The following KDM6A variants were observed in gnomAD, a reference collection of about 807,000 sequenced individuals.
The protein encoded by KDM6A is lysine-specific demethylase 6A.
KDM6A carries 11 observed loss-of-function variants against 117.6 expected under a neutral mutation model. The ratio of observed to expected loss-of-function variants is 0.09; its 90% confidence interval spans 0.06 to 0.15. The LOEUF (loss-of-function observed/expected upper bound fraction) is 0.15. KDM6A is among the 10% of genes least tolerant of loss of function. KDM6A has a pLI of 1.00. For synonymous variants in KDM6A, 384 were observed against 396.1 expected (o/e 0.97, Z 0.36); for missense variants, 799 against 1,077.3 (o/e 0.74, Z 3.62).
chrX:45,041,827 G>A lies in KDM6A; in HGVS notation c.654+4138G>A, dbSNP rs761477913. Among the ~76,000 whole-genome samples, 538 of 104,053 alleles carry A rather than the reference G, an allele frequency of 5.2e-3. 2 individuals are homozygous for A. The highest frequency in any genetic ancestry group is 0.019 in the African/African-American group (519 of 27,391). 90.4% of individuals were successfully genotyped at this position (104,053 alleles called of 115,157 possible). On this transcript the variant is annotated intron_variant, in intron 8 of 29. Transcript: ENST00000611820. ...AGACGATGGGGGGCCAGGCAGAGACGCTCCTCACTTCCCAGACGGGGTGGC... is the reference window on the plus strand; with the variant it reads ...AGACGATGGGGGGCCAGGCAGAGACACTCCTCACTTCCCAGACGGGGTGGC...
At chrX:44,889,562 T>C (rs1340051981) in intron 2 of KDM6A, among the ~76,000 whole-genome samples, 4 of 111,798 alleles carry the variant, frequency 3.6e-5, no homozygotes, top group Non-Finnish European at 7.5e-5. Flanking sequence ...GTTTGTGCAT[T>C]GACCCTATTG....
intron 4 of KDM6A, among the ~76,000 whole-genome samples, chrX:44,993,260 T>A (rs1312011874): frequency 1.8e-5 from 2 of 111,934 alleles, no homozygotes; most frequent in Non-Finnish European, 3.8e-5. Context: ...TTATTCAGAA[T>A]TGGACACTAA....
chrX:44,963,745 C>T (rs1224725439), intron 3 of KDM6A, among the ~76,000 whole-genome samples: 4 of 110,109 alleles, frequency 3.6e-5, no homozygotes, highest in Non-Finnish European at 3.8e-5. Flanking sequence ...ATTTAGACCT[C>T]AAATGTTCTT....
Position 44,988,312 on chromosome X carries a change from AT to A in KDM6A, c.384+13607del, listed in dbSNP as rs371564583. On this transcript the variant is annotated intron_variant, in intron 4 of 29. Coordinates refer to ENST00000611820, the MANE Select transcript of KDM6A (RefSeq NM_001291415.2). ...GTTATTCTAGTTAGCCATTCATCTGATTTTTTTTTTGAAGGTTTTTAACTTC... is the reference window on the plus strand; with the variant it reads ...GTTATTCTAGTTAGCCATTCATCTGATTTTTTTTTGAAGGTTTTTAACTTC... Among the ~76,000 whole-genome samples the A allele has an allele frequency of 1.1e-4, 12 of 107,400 alleles. No individual in the cohort carries two copies. The South Asian group carries it at 1.2e-3, about 11-fold the overall frequency. 93.3% of individuals were successfully genotyped at this position (107,400 alleles called of 115,157 possible).
chrX:45,049,460 A>T (rs1250041848), intron 8 of KDM6A, among the ~76,000 whole-genome samples: 1 of 111,791 alleles, frequency 8.9e-6, no homozygotes, highest in Non-Finnish European at 1.9e-5. Context: ...TACCTTTCAT[A>T]TTCAGGTCTT....
Position 44,899,949 on chromosome X carries a change from C to T in KDM6A, c.225+25962C>T, listed in dbSNP as rs372323510. ...CATTTTAAAGCTGTTTCTATTAGGG[C>T]GTGACCCATAACTGTTATTTCGGGG... On this transcript the variant is annotated intron_variant, in intron 2 of 29. Coordinates refer to ENST00000611820, the MANE Select transcript of KDM6A (RefSeq NM_001291415.2). Among the ~76,000 whole-genome samples, 8 of 111,931 alleles carry T rather than the reference C, an allele frequency of 7.1e-5. 1 individual carries two copies. In the South Asian group the frequency reaches 2.6e-3, roughly 36 times the overall value.
chrX:45,002,503 C>T (rs2041191162), intron 4 of KDM6A, among the ~76,000 whole-genome samples: 1 of 112,176 alleles, frequency 8.9e-6, no homozygotes, highest in African/African-American at 3.2e-5. Context: ...ATTGCTCAAA[C>T]CTTTAAAACA....
chrX:45,073,832 C>G (rs1284582374), intron 18 of KDM6A, among the ~76,000 whole-genome samples: 1 of 111,733 alleles, frequency 8.9e-6, no homozygotes, highest in East Asian at 2.8e-4. Flanking sequence ...GTTGCCTGTT[C>G]ACTCTGATGG....
intron 17 of KDM6A, among the ~76,000 whole-genome samples, chrX:45,064,690 C>CT (rs2044455384): frequency 9.0e-6 from 1 of 111,711 alleles, no homozygotes; most frequent in African/African-American, 3.3e-5. Context: ...ATTGCTTGTA[C>CT]TTTTATTAAT....
At position 44,949,857 on chromosome X, in the gene KDM6A, T is replaced by G. The variant is rs1345087608; in HGVS notation, c.226-11427T>G. Among the ~76,000 whole-genome samples, 3 of 111,739 alleles carry G rather than the reference T, an allele frequency of 2.7e-5. No individual in the cohort carries two copies. In the East Asian group the frequency reaches 8.4e-4, roughly 31 times the overall value. ...ATAATTTTGCTGCAGGCGGGCTTTCTTTATACATGTATCTTTTTGGAATTC... is the reference window on the plus strand; with the variant it reads ...ATAATTTTGCTGCAGGCGGGCTTTCGTTATACATGTATCTTTTTGGAATTC... On this transcript the variant is annotated intron_variant, in intron 2 of 29. Coordinates refer to ENST00000611820, the MANE Select transcript of KDM6A (RefSeq NM_001291415.2).
intron 3 of KDM6A, among the ~76,000 whole-genome samples, chrX:44,967,049 T>C (rs1022173237): frequency 1.1e-4 from 12 of 110,611 alleles, no homozygotes; most frequent in Non-Finnish European, 2.1e-4. Flanking sequence ...TTTTGTACTT[T>C]TTAGTAGAGA....
At chrX:45,031,069 A>G (rs1025534549) in intron 6 of KDM6A, among the ~76,000 whole-genome samples, 13 of 112,344 alleles carry the variant, frequency 1.2e-4, no homozygotes, top group African/African-American at 4.2e-4. Flanking sequence ...TTGACATGCA[A>G]CAGTACCTGG....
chrX:45,093,164 C>T (rs1264006541), intron 27 of KDM6A, among the ~76,000 whole-genome samples: 3 of 109,789 alleles, frequency 2.7e-5, no homozygotes, highest in African/African-American at 1.0e-4. Flanking sequence ...AGCCGGATCA[C>T]TTGAGGTCAG....
rs138738861 is a variant in KDM6A at position 44,995,784 on chromosome X, A to G, written c.385-15177A>G. ...GGCCTGGCCTGTTGGGATACTTTTA[A>G]AAAATCCTTTGTGCTTTAATTATAA... On this transcript the variant is annotated intron_variant, in intron 4 of 29. Transcript: ENST00000611820. 8.6e-3 allele frequency among the ~76,000 whole-genome samples: 961 copies of G among 111,796 alleles called. 11 individuals are homozygous for G. Among genetic ancestry groups the G allele is most frequent in the African/African-American group, 0.03 (923 of 30,700 alleles).
intron 3 of KDM6A, among the ~76,000 whole-genome samples, chrX:44,967,306 T>A (rs1365800571): frequency 8.9e-6 from 1 of 111,796 alleles, no homozygotes; most frequent in Non-Finnish European, 1.9e-5. Context: ...AGACATTTGT[T>A]ACCTTTGGCT....
At chrX:44,952,771 TTTG>T (rs755703341) in intron 2 of KDM6A, among the ~76,000 whole-genome samples, 5 of 110,401 alleles carry the variant, frequency 4.5e-5, no homozygotes, top group African/African-American at 6.6e-5. Context: ...AGGCAGTTGT[TTTG>T]TTGTTGTTGT....
chrX:44,883,271 A>T (rs2032489957), intron 2 of KDM6A, among the ~76,000 whole-genome samples: 1 of 110,165 alleles, frequency 9.1e-6, no homozygotes, highest in African/African-American at 3.3e-5. Context: ...GGGTTTCATT[A>T]TGTTGCCCAG....
At chrX:45,060,249 CTT>C in intron 13 of KDM6A, 93 bp downstream of exon 13, 1 of 1,153,710 alleles carries the variant, frequency 8.7e-7, no homozygotes, top group South Asian at 1.9e-5. Context: ...GCACAGGAGG[CTT>C]TTAGTAATGA....
At chrX:44,930,495 A>G (rs1223489128) in intron 2 of KDM6A, among the ~76,000 whole-genome samples, 1 of 111,585 alleles carries the variant, frequency 9.0e-6, no homozygotes, top group Non-Finnish European at 1.9e-5. Flanking sequence ...TAGGAACTCT[A>G]CCTTTTTACA....
Sources: gnomAD v4.1 joint callset for allele counts (sites outside exome capture counted in the v4.1 genomes callset) on GRCh38, gnomAD v4.1.1 for gene constraint, MANE v1.5 for transcripts, NCBI Gene and HGNC (gene_info 2026-07-23, HGNC 2026-07-21) for gene names.